CYP4A22: variants seen among roughly 807,000 people sequenced by gnomAD.
The protein encoded by CYP4A22 is cytochrome P450 4A22.
In CYP4A22, 46 loss-of-function variants were observed where a neutral mutation model predicts 56.2. The observed-to-expected ratio is 0.82, with a 90% CI of 0.65 to 1.05. CYP4A22 has a LOEUF of 1.05. Among genes scored for constraint, CYP4A22 ranks in the 50% least tolerant of loss-of-function variants. The probability of loss-of-function intolerance (pLI) is 0.00; values close to 1 mark genes in which losing one functional copy is unlikely to be tolerated. For missense variants in CYP4A22, 541 were observed against 645.9 expected, an observed-to-expected ratio of 0.84 and a Z score of 1.76; for synonymous variants, 193 against 251.1, an observed-to-expected ratio of 0.77 and a Z score of 2.19.
chr1:47,146,968 T>A (rs1272108314), intron 11 of CYP4A22: 1 of 985,282 alleles, frequency 1.0e-6, no homozygotes, highest in Admixed American at 6.1e-5. Context: ...AGCCTCCTGG[T>A]ATGTGAAATA....
intron 3 of CYP4A22, 95 bp from the exon 4 acceptor site, chr1:47,142,013 G>A (rs1645015546): frequency 4.0e-6 from 6 of 1,511,206 alleles, no homozygotes; most frequent in African/African-American, 1.4e-5. Flanking sequence ...CTTCCCCCAG[G>A]AAGCCACCTT....
chr1:47,143,641 A>C, intron 5 of CYP4A22, 121 bp from the exon 6 acceptor site: 1 of 1,401,130 alleles, frequency 7.1e-7, no homozygotes, highest in Non-Finnish European at 9.6e-7. Context: ...GTAAGATAGA[A>C]GAAACATTGC....
intron 2 of CYP4A22, 77 bp from the exon 3 acceptor site, chr1:47,141,494 C>T: frequency 6.5e-7 from 1 of 1,541,016 alleles, no homozygotes; most frequent in South Asian, 1.2e-5. Flanking sequence ...CTGACAGACA[C>T]CAAGAACTGA....
chr1:47,144,554 A>C lies in CYP4A22; in HGVS notation c.902A>C (p.Glu301Ala). The C allele has an allele frequency of 6.2e-7, 1 of 1,613,994 alleles. No homozygotes were observed. The highest frequency in any genetic ancestry group is 8.5e-7 in the Non-Finnish European group (1 of 1,179,866). ...CTTTCACCACGGTCTTCCCAGATGG[A>C]GAATGGGAGCATCTTGTCAGACAAG... is the stretch of plus-strand genomic sequence containing the variant. Reference protein sequence around the residue: ...FLDILLLAKMENGSILSDKDL... With the variant: ...FLDILLLAKMANGSILSDKDL... The change falls in exon 8 of 12, where the codon GAG becomes GCG. Residue 301 changes from glutamate to alanine, a missense_variant. This residue lies in a region of CYP4A22 where 2 missense variants were observed against 25.7 expected (regional missense o/e 0.08). Coordinates refer to ENST00000371891, the MANE Select transcript of CYP4A22 (RefSeq NM_001010969.4).
intron 1 of CYP4A22, among the ~76,000 whole-genome samples, chr1:47,138,886 TCACCAAGG>T (rs1644975924): frequency 6.6e-6 from 1 of 152,176 alleles, no homozygotes; most frequent in South Asian, 2.1e-4. Context: ...GGAGAGGGAC[TCACCAAGG>T]TGCTATGAAT....
chr1:47,143,949 C>T (rs763912452), intron 6 of CYP4A22, 33 bp downstream of exon 6: 6 of 1,585,202 alleles, frequency 3.8e-6, no homozygotes, highest in Non-Finnish European at 5.2e-6. Context: ...CCCAGCCTTT[C>T]CCAGGCACAG....
At chr1:47,148,339 G>A (rs1353096808) in intron 11 of CYP4A22, among the ~76,000 whole-genome samples, 5 of 152,224 alleles carry the variant, frequency 3.3e-5, no homozygotes. Flanking sequence ...GCCCTGTCTT[G>A]ATAGAGGGTT....
chr1:47,148,646 C>T lies in CYP4A22; in HGVS notation c.1409C>T (p.Ala470Val). 1 of 1,613,556 alleles carries T rather than the reference C, an allele frequency of 6.2e-7. No homozygotes were observed. Among genetic ancestry groups the T allele is most frequent in the Non-Finnish European group, 8.5e-7 (1 of 1,179,736 alleles). ...KQFAMNQLKV[A>V]RALTLLRFEL... Reference sequence around the variant, plus strand: ...TTTGCCATGAACCAGCTGAAGGTGGCCAGGGCCCTGACCCTGCTCCGCTTT... The same window carrying T: ...TTTGCCATGAACCAGCTGAAGGTGGTCAGGGCCCTGACCCTGCTCCGCTTT... The change falls in exon 12 of 12, where the codon GCC (alanine) becomes GTC (valine). Residue 470 changes from alanine (A) to valine (V), a missense_variant. Around this residue, in one of 3 missense-constraint regions of CYP4A22, gnomAD observed 204 missense variants for 258.9 expected, o/e 0.79. Transcript: ENST00000371891.
chr1:47,148,824 C>G lies in CYP4A22; in HGVS notation c.*27C>G. The G allele has an allele frequency of 6.4e-7, 1 of 1,574,710 alleles. No individual in the cohort carries two copies. The highest frequency in any genetic ancestry group is 8.6e-7 in the Non-Finnish European group (1 of 1,158,586). On this transcript the variant is annotated 3_prime_UTR_variant, in exon 12 of 12. Transcript: ENST00000371891. ...GGCCTCCACCTGCCATCCTGTCTTC[C>G]TGACCCCCACTCCTATCTCCTGCCT...
At chr1:47,143,453 T>C (rs1274554153) in intron 5 of CYP4A22, 60 bp downstream of exon 5, 16 of 1,514,794 alleles carry the variant, frequency 1.1e-5, no homozygotes, top group Admixed American at 6.7e-5. Flanking sequence ...TGCACATACC[T>C]GAGGGGCAGG....
At chr1:47,140,178 A>C (rs139135626) in intron 1 of CYP4A22, among the ~76,000 whole-genome samples, 1 of 152,316 alleles carries the variant, frequency 6.6e-6, no homozygotes, top group African/African-American at 2.4e-5. Context: ...CCAAATCTCA[A>C]AATTATAGTC....
At position 47,142,245 on chromosome 1, in the gene CYP4A22, T is replaced by C; in HGVS notation, c.510+10T>C. On this transcript the variant is annotated intron_variant, in intron 4 of 11. Transcript: ENST00000371891. Reference sequence around the variant, plus strand: ...TGTACGAGTGATGCTGGTGAGTCCATGTCTCTCTCCTCTCCCCACACCCAC... The same window carrying C: ...TGTACGAGTGATGCTGGTGAGTCCACGTCTCTCTCCTCTCCCCACACCCAC... 1.3e-6 allele frequency: 2 copies of C among 1,593,320 alleles called. No individual in the cohort carries two copies. The highest frequency in any genetic ancestry group is 1.1e-5 in the South Asian group (1 of 87,092).
chr1:47,144,097 T>C (rs749799405), intron 6 of CYP4A22, among the ~76,000 whole-genome samples, 181 bp downstream of exon 6: 3 of 152,174 alleles, frequency 2.0e-5, no homozygotes, highest in Non-Finnish European at 4.4e-5. Context: ...TGTGCCTTGG[T>C]TTATCAATGT....
At position 47,147,839 on chromosome 1, in the gene CYP4A22, T is replaced by TGTCCCACCTGTGATGAAGAGCGTG. The variant is rs1645092827; in HGVS notation, c.1365-761_1365-738dup. Among the ~76,000 whole-genome samples the TGTCCCACCTGTGATGAAGAGCGTG allele has an allele frequency of 2.6e-5, 4 of 152,326 alleles. No homozygotes were observed. In the South Asian group the frequency reaches 6.2e-4, roughly 24 times the overall value. On this transcript the variant is annotated intron_variant, in intron 11 of 11. Coordinates refer to ENST00000371891, the MANE Select transcript of CYP4A22 (RefSeq NM_001010969.4). Reference sequence around the variant, plus strand: ...TCTGCCGGCTGAGGCATTGGGATGCTGTCCCACCTGTGATGAAGAGCGTGG... The same window carrying TGTCCCACCTGTGATGAAGAGCGTG: ...TCTGCCGGCTGAGGCATTGGGATGCTGTCCCACCTGTGATGAAGAGCGTGGTCCCACCTGTGATGAAGAGCGTGG...
rs927312718 is a variant in CYP4A22, at chr1:47,146,553, A to T, written c.1364+400A>T. The T allele has an allele frequency of 5.5e-6, 6 of 1,094,468 alleles. No individual in the cohort carries two copies. The African/African-American group carries it at 9.8e-5, about 18-fold the overall frequency. 67.8% of individuals were successfully genotyped at this position (1,094,468 alleles called of 1,614,324 possible). ...ACTGTAGATTTCTCTCTCCCCACAC[A>T]TCCTCAATGCAGCACACTACCTTCC... On this transcript the variant is annotated intron_variant, in intron 11 of 11. Transcript: ENST00000371891.
chr1:47,146,673 A>G, intron 11 of CYP4A22: 3 of 997,240 alleles, frequency 3.0e-6, no homozygotes, highest in African/African-American at 1.7e-5. Flanking sequence ...CTTTCAAGCC[A>G]TATAAGGGAG....
At position 47,148,893 on chromosome 1, in the gene CYP4A22, C is replaced by T. The variant is rs1645103465; in HGVS notation, c.*96C>T. The T allele has an allele frequency of 4.2e-6, 6 of 1,413,868 alleles. No homozygotes were observed. The highest frequency in any genetic ancestry group is 4.7e-6 in the Non-Finnish European group (5 of 1,061,122). 87.6% of individuals were successfully genotyped at this position (1,413,868 alleles called of 1,614,324 possible). A position where few individuals can be genotyped will look rare whatever the true frequency, so the allele number is the denominator to read the frequency against. On this transcript the variant is annotated 3_prime_UTR_variant, in exon 12 of 12. Transcript: ENST00000371891. ...TTCTGTCTGCCCACCTTCCCTTCTT[C>T]CCACCTGCCTGCTGTCCCCCAGTCT...
At chr1:47,140,994 CAGAAG>C (rs979035576) in intron 2 of CYP4A22, 73 bp downstream of exon 2, 4 of 1,580,184 alleles carry the variant, frequency 2.5e-6, no homozygotes, top group African/African-American at 1.3e-5. Context: ...TGTAAAATTC[CAGAAG>C]AGAGTGGCTG....
At chr1:47,147,220 T>C (rs1212834987) in intron 11 of CYP4A22, 2 of 985,324 alleles carry the variant, frequency 2.0e-6, no homozygotes, top group Non-Finnish European at 2.4e-6. Context: ...GGTCTGTCTA[T>C]CCCAGCATGA....
Sources: allele counts gnomAD v4.1 joint callset (sites outside exome capture counted in the v4.1 genomes callset), GRCh38; gene constraint gnomAD v4.1.1; regional missense constraint gnomAD v4.1.1; transcripts MANE v1.5; gene names NCBI Gene and HGNC (gene_info 2026-07-23, HGNC 2026-07-21).